Variants in TNFRSF1B observed in about 807,000 individuals in gnomAD.
The protein encoded by TNFRSF1B is tumor necrosis factor receptor superfamily member 1B.
Under a neutral mutation model 44.6 loss-of-function variants are expected in TNFRSF1B, and 19 were observed. The observed-to-expected ratio is 0.43, with a 90% CI of 0.30 to 0.62. TNFRSF1B has a LOEUF of 0.62. TNFRSF1B is among the 20% of genes least tolerant of loss of function. The pLI is 0.16. For synonymous variants in TNFRSF1B, 252 were observed against 261.1 expected, an observed-to-expected ratio of 0.97 and a Z score of 0.34; for missense variants, 541 against 619.9, an observed-to-expected ratio of 0.87 and a Z score of 1.35.
Position 12,169,737 on chromosome 1 carries a change from C to A in TNFRSF1B, c.78+2568C>A, listed in dbSNP as rs956042993. ...TGGAAAACATCATTCATTCATTTAG[C>A]CATTTATTCATTTGACAAAGAAATG... On this transcript the variant is annotated intron_variant, in intron 1 of 9. Transcript: ENST00000376259. The surrounding 1 kb of genome is among the most constrained non-coding windows in gnomAD (Gnocchi z 4.5). Among the ~76,000 whole-genome samples, 1 of 152,232 alleles carries A rather than the reference C, an allele frequency of 6.6e-6. No homozygotes were observed. Among genetic ancestry groups the A allele is most frequent in the African/African-American group, 2.4e-5 (1 of 41,458 alleles).
chr1:12,205,454 A>C (rs1371912510), intron 9 of TNFRSF1B, among the ~76,000 whole-genome samples: 1 of 152,090 alleles, frequency 6.6e-6, no homozygotes, highest in Non-Finnish European at 1.5e-5. Flanking sequence ...GTGATCTGCC[A>C]GGTTCAAGGG....
intron 8 of TNFRSF1B, 70 bp from the exon 9 acceptor site, chr1:12,201,897 G>A (rs2101124139): frequency 4.6e-6 from 7 of 1,507,110 alleles, no homozygotes; most frequent in Non-Finnish European, 6.3e-6. Flanking sequence ...ATGGCAGTGG[G>A]AAGGAAGAGG....
chr1:12,183,688 C>G (rs1638877041), intron 1 of TNFRSF1B, among the ~76,000 whole-genome samples: 6 of 127,128 alleles, frequency 4.7e-5, no homozygotes, highest in Admixed American at 1.5e-4. Context: ...ATCTATCTAT[C>G]TATCTATCTA....
chr1:12,201,439 A>G (rs1363438468), intron 8 of TNFRSF1B, among the ~76,000 whole-genome samples: 2 of 151,004 alleles, frequency 1.3e-5, no homozygotes, highest in Non-Finnish European at 2.9e-5. Context: ...CAACAACCCT[A>G]TGAGGTAGGC....
chr1:12,185,473 C>T (rs998963909), intron 1 of TNFRSF1B, among the ~76,000 whole-genome samples: 3 of 152,132 alleles, frequency 2.0e-5, no homozygotes, highest in African/African-American at 7.2e-5. Flanking sequence ...GAAGGCTTCT[C>T]CTTTTGTCTA....
chr1:12,173,760 T>C (rs773655497), intron 1 of TNFRSF1B, among the ~76,000 whole-genome samples: 1 of 152,158 alleles, frequency 6.6e-6, no homozygotes, highest in African/African-American at 2.4e-5. Context: ...GCCTAGGGCT[T>C]TGGGCCTTGA....
At chr1:12,204,155 C>T (rs1011418207) in intron 9 of TNFRSF1B, among the ~76,000 whole-genome samples, 4 of 152,128 alleles carry the variant, frequency 2.6e-5, no homozygotes, top group Admixed American at 2.0e-4. Context: ...TCCCGAGTCC[C>T]CCAGCCCGTG....
chr1:12,184,712 G>A (rs1638941494), intron 1 of TNFRSF1B, among the ~76,000 whole-genome samples: 1 of 152,178 alleles, frequency 6.6e-6, no homozygotes, highest in Non-Finnish European at 1.5e-5. Flanking sequence ...CAGGCCCTTT[G>A]AGCCCTGATG....
At chr1:12,167,368 G>A (rs1164899742) in intron 1 of TNFRSF1B, 199 bp downstream of exon 1, 5 of 405,074 alleles carry the variant, frequency 1.2e-5, no homozygotes, top group African/African-American at 8.4e-5. Flanking sequence ...CCCGGCACAC[G>A]TGCGCTCGGG....
chr1:12,197,096 C>T (rs1171199100), intron 8 of TNFRSF1B, among the ~76,000 whole-genome samples: 3 of 152,002 alleles, frequency 2.0e-5, no homozygotes, highest in Non-Finnish European at 4.4e-5. Flanking sequence ...TATGGGCATG[C>T]GCCACCATGC....
intron 1 of TNFRSF1B, among the ~76,000 whole-genome samples, chr1:12,167,737 C>T (rs995920185): frequency 1.3e-5 from 2 of 152,170 alleles, no homozygotes; most frequent in African/African-American, 4.8e-5. Context: ...AGCTGGAGGG[C>T]GAGCTGCCTG....
At chr1:12,190,257 G>C (rs1407029954) in intron 2 of TNFRSF1B, among the ~76,000 whole-genome samples, 1 of 152,072 alleles carries the variant, frequency 6.6e-6, no homozygotes, top group Non-Finnish European at 1.5e-5. Context: ...CCAGGAGTTT[G>C]AGACCAGCCT....
rs1444797076 is a variant in TNFRSF1B, at chr1:12,177,860, C to A, written c.78+10691C>A. Among the ~76,000 whole-genome samples, 3 of 152,080 alleles carry A rather than the reference C, an allele frequency of 2.0e-5. No homozygotes were observed. Among genetic ancestry groups the A allele is most frequent in the Admixed American group, 6.5e-5 (1 of 15,274 alleles). On this transcript the variant is annotated intron_variant, in intron 1 of 9. Transcript: ENST00000376259. This position sits in a 1 kb window ranked among gnomAD's most constrained non-coding sequence, Gnocchi z 4.3. ...TTCTTGGGTGCAATGCGCAAGAGAC[C>A]GATGCATTAACTACACAGAGTGCCC...
intron 1 of TNFRSF1B, among the ~76,000 whole-genome samples, chr1:12,188,226 G>A (rs1403590512): frequency 1.3e-5 from 2 of 152,186 alleles, no homozygotes; most frequent in East Asian, 1.9e-4. Flanking sequence ...TACCCACAGG[G>A]GGTGGAAGGA....
intron 1 of TNFRSF1B, among the ~76,000 whole-genome samples, chr1:12,175,746 G>A (rs984644742): frequency 4.6e-5 from 7 of 151,992 alleles, no homozygotes; most frequent in Admixed American, 2.0e-4. Context: ...CCTTCCTGTC[G>A]TGGCTTGGTC....
chr1:12,183,817 TTCTA>T (rs1553163498), intron 1 of TNFRSF1B, among the ~76,000 whole-genome samples: 1 of 110,386 alleles, frequency 9.1e-6, no homozygotes. Flanking sequence ...TATCTATCTA[TTCTA>T]TCTACCTATC....
intron 4 of TNFRSF1B, 179 bp from the exon 5 acceptor site, chr1:12,192,248 CTGTG>C: frequency 1.4e-6 from 1 of 713,212 alleles, no homozygotes; most frequent in South Asian, 1.5e-5. Context: ...GTACAGGAAT[CTGTG>C]TGTGTGCATG....
rs377409595 is a variant in TNFRSF1B, at chr1:12,200,142, C to T, written c.901-1825C>T. Among the ~76,000 whole-genome samples the T allele has an allele frequency of 1.7e-4, 26 of 152,226 alleles. 1 individual carries two copies. The highest frequency in any genetic ancestry group is 6.2e-4 in the South Asian group (3 of 4,822). On this transcript the variant is annotated intron_variant, in intron 8 of 9. Coordinates refer to ENST00000376259, the MANE Select transcript of TNFRSF1B (RefSeq NM_001066.3). ...CCTTGGGCAAGTAACTCAATCTCTCCGTGCCTCAGTTTCCACAAAGCAAGG... is the reference window on the plus strand; with the variant it reads ...CCTTGGGCAAGTAACTCAATCTCTCTGTGCCTCAGTTTCCACAAAGCAAGG...
rs573422409 is a variant in TNFRSF1B, at chr1:12,168,799, C to T, written c.78+1630C>T. 1.3e-5 allele frequency among the ~76,000 whole-genome samples: 2 copies of T among 152,288 alleles called. No individual in the cohort carries two copies. Among genetic ancestry groups the T allele is most frequent in the Non-Finnish European group, 2.9e-5 (2 of 68,020 alleles). ...GCAGCCTTGTAGCTGGTCTCCCGGC[C>T]CTGCCCCCTCTCCCGCTGATCCTTG... On this transcript the variant is annotated intron_variant, in intron 1 of 9. Transcript: ENST00000376259. The surrounding 1 kb of genome is among the most constrained non-coding windows in gnomAD (Gnocchi z 4.7).
Sources: allele counts gnomAD v4.1 joint callset (sites outside exome capture counted in the v4.1 genomes callset), GRCh38; gene constraint gnomAD v4.1.1; non-coding constraint Gnocchi (gnomAD v3.1); transcripts MANE v1.5; gene names NCBI Gene and HGNC (gene_info 2026-07-23, HGNC 2026-07-21).